Variants in FAM240B observed in about 807,000 individuals in gnomAD.
The protein encoded by FAM240B is family with sequence similarity 240 member B.
At chr9:38,717,877 T>C (rs1000514576) in intron 1 of FAM240B, among the ~76,000 whole-genome samples, 2 of 152,214 alleles carry the variant, frequency 1.3e-5, no homozygotes, top group Admixed American at 6.5e-5. Context: ...GTAAAATATT[T>C]CAAAAAGCAC....
intron 1 of FAM240B, among the ~76,000 whole-genome samples, chr9:38,713,481 C>CA (rs77404875): frequency 0.41 from 34,108 of 83,424 alleles, 6,976 homozygotes; most frequent in South Asian, 0.52. Context: ...CCGTTTCAAA[C>CA]AAAAAAAAAA....
chr9:38,703,832 A>C, intron 2 of FAM240B, 25 bp downstream of exon 2: 1 of 400,256 alleles, frequency 2.5e-6, no homozygotes, highest in Non-Finnish European at 4.4e-6. Context: ...CTTTAAAAGT[A>C]ATAACAGAGA....
chr9:38,698,604 C>T (rs1380958310), intron 2 of FAM240B, among the ~76,000 whole-genome samples: 1 of 152,198 alleles, frequency 6.6e-6, no homozygotes, highest in Non-Finnish European at 1.5e-5. Flanking sequence ...CAGTTTCCTT[C>T]CAATTTTTCA....
At chr9:38,696,339 A>G (rs1320540190) in intron 2 of FAM240B, among the ~76,000 whole-genome samples, 1 of 152,144 alleles carries the variant, frequency 6.6e-6, no homozygotes, top group Non-Finnish European at 1.5e-5. Context: ...CTTAGAAGGT[A>G]TAAATATTTT....
intron 1 of FAM240B, among the ~76,000 whole-genome samples, chr9:38,706,841 A>G (rs946802881): frequency 2.6e-5 from 4 of 152,240 alleles, no homozygotes; most frequent in Non-Finnish European, 4.4e-5. Flanking sequence ...TAGCCACTGG[A>G]CATTGAAAGA....
chr9:38,696,323 T>C (rs1821068950), intron 2 of FAM240B, among the ~76,000 whole-genome samples: 1 of 152,156 alleles, frequency 6.6e-6, no homozygotes, highest in Non-Finnish European at 1.5e-5. Flanking sequence ...AGGTGAAATA[T>C]TACCACTTAG....
chr9:38,718,012 C>T (rs113878652), intron 1 of FAM240B, among the ~76,000 whole-genome samples: 9 of 152,168 alleles, frequency 5.9e-5, no homozygotes, highest in South Asian at 2.1e-4. Flanking sequence ...CATATATATG[C>T]GTACGTATGT....
chr9:38,715,394 G>A (rs888083947), intron 1 of FAM240B, among the ~76,000 whole-genome samples: 3 of 152,232 alleles, frequency 2.0e-5, no homozygotes, highest in South Asian at 4.1e-4. Flanking sequence ...GACACAATAA[G>A]TGCTTAATAA....
intron 2 of FAM240B, among the ~76,000 whole-genome samples, chr9:38,695,831 GAACA>G (rs766804007): frequency 6.6e-6 from 1 of 152,212 alleles, no homozygotes; most frequent in Non-Finnish European, 1.5e-5. Context: ...TCAAGGCAGT[GAACA>G]AACAAATAGA....
At chr9:38,718,101 T>A (rs1052036529) in intron 1 of FAM240B, among the ~76,000 whole-genome samples, 3 of 152,212 alleles carry the variant, frequency 2.0e-5, no homozygotes, top group African/African-American at 7.2e-5. Flanking sequence ...TAAGAAAATA[T>A]TTGCTTGTCA....
chr9:38,719,213 G>T (rs1564002913), intron 1 of FAM240B, among the ~76,000 whole-genome samples: 1 of 151,920 alleles, frequency 6.6e-6, no homozygotes, highest in African/African-American at 2.4e-5. Context: ...ACTGTTCTTC[G>T]ATAAATAAGC....
chr9:38,708,830 G>A (rs974017014), intron 1 of FAM240B, among the ~76,000 whole-genome samples: 3 of 152,166 alleles, frequency 2.0e-5, no homozygotes, highest in Non-Finnish European at 2.9e-5. Context: ...GATATCAAAT[G>A]CTTTGCTTCT....
rs74378265 is a variant in FAM240B, at chr9:38,704,316, C to T, written c.-3-314G>A. Among the ~76,000 whole-genome samples the T allele has an allele frequency of 2.9e-3, 446 of 152,138 alleles. 1 individual carries two copies. The highest frequency in any genetic ancestry group is 0.01 in the African/African-American group (422 of 41,500). On this transcript the variant is annotated intron_variant, in intron 1 of 2. Transcript: ENST00000637493. Reference sequence around the variant, plus strand: ...TTTTCACTGTCTTTGAGCTATTTGACAATTTTGTAAATTATAGAAAAATTA... The same window carrying T: ...TTTTCACTGTCTTTGAGCTATTTGATAATTTTGTAAATTATAGAAAAATTA...
At chr9:38,695,902 GT>G (rs2118996291) in intron 2 of FAM240B, among the ~76,000 whole-genome samples, 1 of 152,354 alleles carries the variant, frequency 6.6e-6, no homozygotes, top group Admixed American at 6.5e-5. Context: ...AATGTGGCCA[GT>G]TGATTTTTCA....
At chr9:38,702,441 G>C (rs1821139700) in intron 2 of FAM240B, among the ~76,000 whole-genome samples, 1 of 152,242 alleles carries the variant, frequency 6.6e-6, no homozygotes, top group Admixed American at 6.5e-5. Flanking sequence ...GTGCTCTGCT[G>C]TGGAGAACAC....
At chr9:38,713,985 C>T (rs991248116) in intron 1 of FAM240B, among the ~76,000 whole-genome samples, 2 of 152,156 alleles carry the variant, frequency 1.3e-5, no homozygotes, top group African/African-American at 4.8e-5. Context: ...GAGCCCCAAT[C>T]TCTGTAAATA....
At chr9:38,695,128 G>C (rs1026054124) in intron 2 of FAM240B, among the ~76,000 whole-genome samples, 1 of 152,144 alleles carries the variant, frequency 6.6e-6, no homozygotes, top group Non-Finnish European at 1.5e-5. Context: ...TTAAAACCTA[G>C]ATGACGGGTT....
At position 38,712,930 on chromosome 9, in the gene FAM240B, A is replaced by G. The variant is rs114257317; in HGVS notation, c.-4+7092T>C. On this transcript the variant is annotated intron_variant, in intron 1 of 2. Coordinates refer to ENST00000637493, the MANE Select transcript of FAM240B (RefSeq NM_001394922.1). ...AGCCACTTCCCTCCTTCATTTAGGG[A>G]AAAGTTCGTGTGCCCTAGAAAAATA... Among the ~76,000 whole-genome samples the G allele has an allele frequency of 7.2e-3, 1,094 of 152,254 alleles. 18 individuals are homozygous for G. The highest frequency in any genetic ancestry group is 0.025 in the African/African-American group (1,050 of 41,534).
intron 1 of FAM240B, among the ~76,000 whole-genome samples, chr9:38,710,033 G>C (rs1289194725): frequency 6.6e-6 from 1 of 152,098 alleles, no homozygotes; most frequent in Non-Finnish European, 1.5e-5. Flanking sequence ...GCAGTGGCTC[G>C]ATCTCGGCTC....
Sources: gnomAD v4.1 joint callset for allele counts (sites outside exome capture counted in the v4.1 genomes callset) on GRCh38, gnomAD v4.1.1 for gene constraint, MANE v1.5 for transcripts, NCBI Gene and HGNC (gene_info 2026-07-23, HGNC 2026-07-21) for gene names.